The following GLDN variants were observed in gnomAD, a reference collection of about 807,000 sequenced individuals.
The protein encoded by GLDN is collomin.
In GLDN, 47 loss-of-function variants were observed where a neutral mutation model predicts 56.5. The ratio of observed to expected loss-of-function variants is 0.83; its 90% CI spans 0.66 to 1.06. The LOEUF (loss-of-function observed/expected upper bound fraction) is 1.06, where lower values mean the gene tolerates loss of function less well. Among genes scored for constraint, GLDN ranks in the 50% least tolerant of loss-of-function variants. GLDN has a pLI of 0.00. For missense variants in GLDN, 782 were observed against 714.3 expected, an observed-to-expected ratio of 1.09 and a Z score of -1.08; for synonymous variants, 332 against 278.8, an observed-to-expected ratio of 1.19 and a Z score of -1.90.
At chr15:51,375,994 T>C (rs1391693613) in intron 1 of GLDN, among the ~76,000 whole-genome samples, 1 of 152,186 alleles carries the variant, frequency 6.6e-6, no homozygotes, top group Non-Finnish European at 1.5e-5. Context: ...CAGAATTCCA[T>C]AGAAATTCAA....
intron 3 of GLDN, 112 bp from the exon 4 acceptor site, chr15:51,383,673 A>G: frequency 1.1e-6 from 1 of 949,550 alleles, no homozygotes; most frequent in Non-Finnish European, 1.5e-6. Flanking sequence ...AAGGATGTGG[A>G]AAAGGAATTG....
intron 1 of GLDN, among the ~76,000 whole-genome samples, chr15:51,372,335 C>G (rs894073207): frequency 5.3e-5 from 8 of 152,332 alleles, no homozygotes; most frequent in African/African-American, 1.7e-4. Flanking sequence ...TAGCAGCTAC[C>G]AAACGTTCAA....
intron 9 of GLDN, among the ~76,000 whole-genome samples, chr15:51,402,910 A>T (rs2038286186): frequency 6.6e-6 from 1 of 152,176 alleles, no homozygotes; most frequent in Non-Finnish European, 1.5e-5. Context: ...TAGTAGAAAA[A>T]GACAACTGAC....
chr15:51,395,452 G>T (rs140825821), intron 5 of GLDN, among the ~76,000 whole-genome samples: 1 of 152,124 alleles, frequency 6.6e-6, no homozygotes, highest in Non-Finnish European at 1.5e-5. Context: ...CCTCAGTAGG[G>T]ATGGCAACAG....
At chr15:51,355,779 T>A (rs2037168288) in intron 1 of GLDN, among the ~76,000 whole-genome samples, 1 of 149,532 alleles carries the variant, frequency 6.7e-6, no homozygotes, top group African/African-American at 2.4e-5. Flanking sequence ...CACCTTGGCC[T>A]CCCAAAGTGC....
intron 2 of GLDN, among the ~76,000 whole-genome samples, chr15:51,381,014 C>T (rs1388070354): frequency 6.6e-6 from 1 of 152,120 alleles, no homozygotes; most frequent in African/African-American, 2.4e-5. Context: ...TTAGGAACCC[C>T]AGATGGGGCC....
chr15:51,359,911 G>A (rs555421295), intron 1 of GLDN, among the ~76,000 whole-genome samples: 10 of 151,090 alleles, frequency 6.6e-5, no homozygotes, highest in East Asian at 3.9e-4. Flanking sequence ...CCCGGGAGGC[G>A]GAGCTTGCAG....
chr15:51,412,661 AG>A (rs2038479183), downstream of GLDN, among the ~76,000 whole-genome samples: 1 of 152,138 alleles, frequency 6.6e-6, no homozygotes, highest in Non-Finnish European at 1.5e-5. Context: ...GTTTTTTTGT[AG>A]GCAGCATATA....
chr15:51,381,101 G>A (rs187185081), intron 2 of GLDN, among the ~76,000 whole-genome samples: 42 of 152,364 alleles, frequency 2.8e-4, no homozygotes, highest in Non-Finnish European at 2.4e-4. Flanking sequence ...TAGGGCATCA[G>A]TGGAACTCTT....
chr15:51,399,325 G>A (rs2038199951), intron 6 of GLDN, among the ~76,000 whole-genome samples: 1 of 152,166 alleles, frequency 6.6e-6, no homozygotes, highest in Admixed American at 6.5e-5. Context: ...TTTCCATCAA[G>A]CAACCACAAG....
Position 51,404,512 on chromosome 15 carries a change from G to C in GLDN, c.1414G>C (p.Ala472Pro). 3 of 1,614,108 alleles carry C rather than the reference G, an allele frequency of 1.9e-6. No homozygotes were observed. The highest frequency in any genetic ancestry group is 1.7e-6 in the Non-Finnish European group (2 of 1,180,000). Residue 472 changes from alanine (A) to proline (P), a missense_variant, in exon 10 of 10, where the codon GCT becomes CCT. By Grantham distance (27) the Ala-to-Pro change is conservative. Transcript: ENST00000335449. ...CAATACCACGTACCCTAAATCCAAG[G>C]CTGGCAACGCCTTCATTGCCCGAGG... The part of the protein sequence containing the change: ...HVNTTYPKSK[A>P]GNAFIARGIL...
intron 1 of GLDN, among the ~76,000 whole-genome samples, chr15:51,350,030 A>G (rs573502591): frequency 4.4e-4 from 67 of 152,264 alleles, no homozygotes; most frequent in African/African-American, 1.6e-3. Flanking sequence ...GGCGTGAGCC[A>G]CCGCACCCGG....
intron 1 of GLDN, among the ~76,000 whole-genome samples, chr15:51,357,217 G>C (rs897013942): frequency 2.6e-5 from 4 of 152,044 alleles, no homozygotes; most frequent in African/African-American, 9.7e-5. Context: ...AATAAATCTT[G>C]CCACTGCACA....
At chr15:51,394,506 C>T (rs929573911) in intron 4 of GLDN, among the ~76,000 whole-genome samples, 3 of 151,994 alleles carry the variant, frequency 2.0e-5, no homozygotes, top group East Asian at 3.9e-4. Context: ...CCAGCTACTC[C>T]GGAGGCTGAG....
At chr15:51,357,767 G>C (rs2037214283) in intron 1 of GLDN, among the ~76,000 whole-genome samples, 1 of 152,180 alleles carries the variant, frequency 6.6e-6, no homozygotes, top group Non-Finnish European at 1.5e-5. Flanking sequence ...TGGTTCTAAT[G>C]TCCTCAGATA....
chr15:51,386,865 G>A (rs1420195495), intron 4 of GLDN, among the ~76,000 whole-genome samples: 1 of 152,166 alleles, frequency 6.6e-6, no homozygotes, highest in Non-Finnish European at 1.5e-5. Context: ...CCTGCCTGAG[G>A]TGGGGAGCCC....
At chr15:51,381,142 A>G (rs1455679903) in intron 2 of GLDN, among the ~76,000 whole-genome samples, 1 of 152,220 alleles carries the variant, frequency 6.6e-6, no homozygotes, top group Non-Finnish European at 1.5e-5. Context: ...CACCACAGTG[A>G]GAGCCTTGGC....
intron 4 of GLDN, among the ~76,000 whole-genome samples, 194 bp from the exon 5 acceptor site, chr15:51,394,641 A>C (rs1307256026): frequency 3.3e-5 from 5 of 152,074 alleles, no homozygotes; most frequent in African/African-American, 4.8e-5. Context: ...TAAATAAATA[A>C]TCCAGCAGAG....
At chr15:51,383,688 C>G in intron 3 of GLDN, 97 bp from the exon 4 acceptor site, 1 of 1,037,006 alleles carries the variant, frequency 9.6e-7, no homozygotes, top group East Asian at 2.5e-5. Flanking sequence ...GAATTGATGC[C>G]TGCTCAGTTT....
Sources: allele counts gnomAD v4.1 joint callset (sites outside exome capture counted in the v4.1 genomes callset), GRCh38; gene constraint gnomAD v4.1.1; transcripts MANE v1.5; gene names NCBI Gene and HGNC (gene_info 2026-07-23, HGNC 2026-07-21).